SMC2: variants seen among roughly 807,000 people sequenced by gnomAD.
The protein encoded by SMC2 is structural maintenance of chromosomes 2, also known as structural maintenance of chromosomes protein 2.
SMC2 carries 41 observed loss-of-function variants against 142.6 expected under a neutral mutation model. The ratio of observed to expected loss-of-function variants is 0.29; its 90% CI spans 0.22 to 0.37. SMC2 has a LOEUF of 0.37. Ranked by LOEUF, SMC2 falls within the 10% of genes least tolerant of loss-of-function variation. The pLI is 1.00. For missense variants in SMC2, 1,265 were observed against 1,373.7 expected, an observed-to-expected ratio of 0.92 and a Z score of 1.25; for synonymous variants, 463 against 457.5, an observed-to-expected ratio of 1.01 and a Z score of -0.15.
chr9:104,131,214 G>A (rs777747334), intron 21 of SMC2, among the ~76,000 whole-genome samples: 8 of 152,126 alleles, frequency 5.3e-5, no homozygotes, highest in Non-Finnish European at 1.2e-4. Context: ...TGATATTTGA[G>A]CTGAAATTTC....
chr9:104,101,225 G>A (rs1831084676), intron 7 of SMC2, among the ~76,000 whole-genome samples: 1 of 152,144 alleles, frequency 6.6e-6, no homozygotes, highest in African/African-American at 2.4e-5. Context: ...GTGAGCCACT[G>A]TGCCCAGCCA....
chr9:104,131,566 T>A (rs1834971235), intron 21 of SMC2, among the ~76,000 whole-genome samples: 1 of 151,462 alleles, frequency 6.6e-6, no homozygotes, highest in Non-Finnish European at 1.5e-5. Flanking sequence ...TGGTGAAGGA[T>A]CAAAATTTTG....
chr9:104,096,672 CAG>C (rs1165967073), intron 3 of SMC2, among the ~76,000 whole-genome samples: 2 of 152,236 alleles, frequency 1.3e-5, no homozygotes, highest in East Asian at 1.9e-4. Context: ...TAAGTTTTGT[CAG>C]AGTCTGCTGT....
intron 18 of SMC2, 29 bp downstream of exon 18, chr9:104,125,134 A>G (rs1375561313): frequency 6.6e-7 from 1 of 1,510,040 alleles, no homozygotes; most frequent in Admixed American, 2.2e-5. Context: ...AATTGAACCA[A>G]CCTTTTAAAG....
At chr9:104,093,990 A>C (rs765687251), upstream of SMC2, among the ~76,000 whole-genome samples, 5 of 152,216 alleles carry the variant, frequency 3.3e-5, no homozygotes, top group Non-Finnish European at 7.3e-5. Context: ...GAGAAGGCGG[A>C]GTCTGCAGTG....
At chr9:104,097,712 A>T (rs977744007) in intron 3 of SMC2, among the ~76,000 whole-genome samples, 1 of 152,182 alleles carries the variant, frequency 6.6e-6, no homozygotes, top group Non-Finnish European at 1.5e-5. Flanking sequence ...AGGGTCTTCA[A>T]ATACATTAAT....
At chr9:104,093,912 A>C (rs376088446), upstream of SMC2, among the ~76,000 whole-genome samples, 5 of 152,240 alleles carry the variant, frequency 3.3e-5, no homozygotes, top group East Asian at 7.7e-4. Flanking sequence ...CACTCATAGA[A>C]TGCCTCTCCA....
upstream of SMC2, chr9:104,092,435 G>T (rs1360176): frequency 0.85 from 129,184 of 152,222 alleles, 54,906 homozygotes; most frequent in East Asian, 0.95. Context: ...ATTTCACAAC[G>T]TGACAAAGTC....
chr9:104,116,739 C>CTTTA (rs2131420584), intron 14 of SMC2, among the ~76,000 whole-genome samples: 1 of 152,304 alleles, frequency 6.6e-6, no homozygotes, highest in East Asian at 1.9e-4. Flanking sequence ...AGTGATGCTT[C>CTTTA]TTTATTAGAG....
At chr9:104,119,749 A>G (rs1292934414) in intron 15 of SMC2, among the ~76,000 whole-genome samples, 1 of 152,162 alleles carries the variant, frequency 6.6e-6, no homozygotes, top group African/African-American at 2.4e-5. Context: ...GCCAGAGCAA[A>G]TCACGTAGGC....
intron 1 of SMC2, chr9:104,094,896 A>G (rs1448486518): frequency 2.7e-5 from 3 of 109,518 alleles, no homozygotes; most frequent in Non-Finnish European, 5.5e-5. Context: ...AGCCGAGTGA[A>G]GGATTGTGGA....
intron 9 of SMC2, among the ~76,000 whole-genome samples, chr9:104,105,283 T>C (rs780600309): frequency 6.6e-6 from 1 of 152,162 alleles, no homozygotes; most frequent in Non-Finnish European, 1.5e-5. Context: ...AGGAGTGATA[T>C]GTAACGGCAT....
At chr9:104,121,677 G>T (rs1833753834) in intron 16 of SMC2, among the ~76,000 whole-genome samples, 1 of 152,150 alleles carries the variant, frequency 6.6e-6, no homozygotes. Flanking sequence ...TTCAATTTCT[G>T]TAGTTATGAA....
At chr9:104,112,886 T>A (rs181549762) in intron 10 of SMC2, among the ~76,000 whole-genome samples, 4 of 152,154 alleles carry the variant, frequency 2.6e-5, no homozygotes, top group African/African-American at 9.6e-5. Context: ...TTACGTCTTA[T>A]TGCTCAATTC....
intron 13 of SMC2, among the ~76,000 whole-genome samples, chr9:104,115,633 C>A (rs1420671999): frequency 6.6e-6 from 1 of 151,838 alleles, no homozygotes; most frequent in Non-Finnish European, 1.5e-5. Flanking sequence ...GATACATATA[C>A]ATAGTGAAAT....
intron 16 of SMC2, among the ~76,000 whole-genome samples, chr9:104,122,729 TAAC>T (rs1201338520): frequency 2.0e-5 from 3 of 152,190 alleles, no homozygotes; most frequent in African/African-American, 7.2e-5. Flanking sequence ...AATAAATAGA[TAAC>T]TACATTTTTG....
rs1228411894 is a variant in SMC2, at chr9:104,094,492, T to TGAGCAC, written c.-62+17_-62+22dup. 8.7e-6 allele frequency: 3 copies of TGAGCAC among 343,798 alleles called. No individual in the cohort carries two copies. Among genetic ancestry groups the TGAGCAC allele is most frequent in the African/African-American group, 6.7e-5 (3 of 44,556 alleles). 21.3% of individuals were successfully genotyped at this position (343,798 alleles called of 1,614,324 possible). On this transcript the variant is annotated intron_variant, in intron 1 of 24. Coordinates refer to ENST00000374793, the MANE Select transcript of SMC2 (RefSeq NM_006444.3). Reference sequence around the variant, plus strand: ...CTGAGGCAGCGGTGAGGCGTGTGCGTGAGCACGGCCGGTTGGGCCGGGCCA... The same window carrying TGAGCAC: ...CTGAGGCAGCGGTGAGGCGTGTGCGTGAGCACGAGCACGGCCGGTTGGGCCGGGCCA...
rs1831191154 is a variant in SMC2, at chr9:104,102,022, A to G, written c.699A>G (p.Leu233=). Residue 233 remains leucine, a synonymous_variant, in exon 8 of 25, where the codon TTA becomes TTG. Transcript: ENST00000374793. ...VMREIEHLSR[L]YIAYQFLLAE... ...GAGAAATAGAACATTTGAGTCGTTTATATATTGCTTATCAGTTTTTGCTGG... is the reference window on the plus strand; with the variant it reads ...GAGAAATAGAACATTTGAGTCGTTTGTATATTGCTTATCAGTTTTTGCTGG... 3.1e-6 allele frequency: 5 copies of G among 1,609,068 alleles called. No homozygotes were observed. In the East Asian group the frequency reaches 1.1e-4, roughly 36 times the overall value.
chr9:104,107,172 A>T (rs117753207), intron 9 of SMC2, among the ~76,000 whole-genome samples: 1 of 152,280 alleles, frequency 6.6e-6, no homozygotes, highest in Non-Finnish European at 1.5e-5. Context: ...AGCCTGCCCC[A>T]ATTCATTGAT....
Sources: gnomAD v4.1 joint callset for allele counts (sites outside exome capture counted in the v4.1 genomes callset) on GRCh38, gnomAD v4.1.1 for gene constraint, MANE v1.5 for transcripts, NCBI Gene and HGNC (gene_info 2026-07-23, HGNC 2026-07-21) for gene names.